ATRNL1: variants seen among roughly 807,000 people sequenced by gnomAD.
The protein encoded by ATRNL1 is attractin-like protein 1.
In ATRNL1, 95 loss-of-function variants were observed where a neutral mutation model predicts 182.7. The observed-to-expected ratio is 0.52, with a 90% CI of 0.44 to 0.62. The LOEUF is 0.62. ATRNL1 is among the 20% of genes least tolerant of loss of function. ATRNL1 has a pLI of 0.00. For missense variants in ATRNL1, 1,471 were observed against 1,679.5 expected (o/e 0.88, Z 2.17); for synonymous variants, 576 against 568.3 (o/e 1.01, Z -0.19).
intron 25 of ATRNL1, among the ~76,000 whole-genome samples, chr10:115,531,692 A>T (rs1405435931): frequency 6.6e-6 from 1 of 151,176 alleles, no homozygotes; most frequent in African/African-American, 2.4e-5. Context: ...TTTAGACATG[A>T]AGTCCTTGCC....
chr10:115,695,766 T>C (rs1401865475), intron 26 of ATRNL1, among the ~76,000 whole-genome samples: 1 of 152,164 alleles, frequency 6.6e-6, no homozygotes, highest in Non-Finnish European at 1.5e-5. Flanking sequence ...AATAGTAACA[T>C]CACAATAGTT....
At chr10:115,456,693 C>T (rs564621333) in intron 21 of ATRNL1, among the ~76,000 whole-genome samples, 36 of 152,180 alleles carry the variant, frequency 2.4e-4, no homozygotes, top group Non-Finnish European at 4.7e-4. Flanking sequence ...AATATATTCT[C>T]AACTTCGTTG....
At chr10:115,908,494 C>T (rs1952569857) in intron 28 of ATRNL1, among the ~76,000 whole-genome samples, 1 of 152,102 alleles carries the variant, frequency 6.6e-6, no homozygotes, top group Non-Finnish European at 1.5e-5. Flanking sequence ...CTCCCTCTTC[C>T]CCTTTGAAGA....
At chr10:115,449,649 C>T (rs891973136) in intron 21 of ATRNL1, among the ~76,000 whole-genome samples, 10 of 152,124 alleles carry the variant, frequency 6.6e-5, no homozygotes, top group East Asian at 3.9e-4. Flanking sequence ...TTGCTTCTGC[C>T]GGCACCCAGA....
At chr10:115,484,490 T>C (rs80301348) in intron 24 of ATRNL1, among the ~76,000 whole-genome samples, 457 of 151,812 alleles carry the variant, frequency 3.0e-3, no homozygotes, top group Non-Finnish European at 4.9e-3. Flanking sequence ...TTCATACTTT[T>C]ATTATATACA....
rs114111173 is a variant in ATRNL1 at position 115,559,625 on chromosome 10, A to T, written c.3795+10089A>T. Among the ~76,000 whole-genome samples the T allele has an allele frequency of 1.9e-3, 293 of 152,296 alleles. 1 individual carries two copies. The highest frequency in any genetic ancestry group is 3.1e-3 in the Admixed American group (48 of 15,304). On this transcript the variant is annotated intron_variant, in intron 26 of 28. Transcript: ENST00000355044. ...TCTTGATTTCTAAATACCATTCACC[A>T]ATAAAAGGAGCTTGGATGCAAATCA...
intron 26 of ATRNL1, among the ~76,000 whole-genome samples, chr10:115,708,169 G>A (rs1344311613): frequency 4.6e-5 from 7 of 151,564 alleles, no homozygotes. Context: ...AGGTGGAAGG[G>A]ATTACAGAAT....
At chr10:115,204,279 A>T (rs917979598) in intron 8 of ATRNL1, among the ~76,000 whole-genome samples, 1 of 151,596 alleles carries the variant, frequency 6.6e-6, no homozygotes, top group Admixed American at 6.6e-5. Flanking sequence ...GATGTCTTTC[A>T]TTTTTTTCTT....
intron 26 of ATRNL1, among the ~76,000 whole-genome samples, chr10:115,572,427 G>A (rs1555003763): frequency 2.0e-5 from 3 of 152,060 alleles, no homozygotes; most frequent in Middle Eastern, 3.4e-3. Flanking sequence ...TGGATGCAAC[G>A]GGTGGGGAAA....
chr10:115,591,503 C>T (rs1855903632), intron 26 of ATRNL1, among the ~76,000 whole-genome samples: 1 of 152,114 alleles, frequency 6.6e-6, no homozygotes, highest in Admixed American at 6.6e-5. Flanking sequence ...GGGAGATGTC[C>T]ATAAATTTTC....
chr10:115,390,453 T>C (rs1369674195), intron 19 of ATRNL1, among the ~76,000 whole-genome samples: 1 of 152,212 alleles, frequency 6.6e-6, no homozygotes, highest in Non-Finnish European at 1.5e-5. Flanking sequence ...TTCTCCATTG[T>C]GTGTTCTTGA....
chr10:115,885,379 G>A (rs1045073816), intron 28 of ATRNL1, among the ~76,000 whole-genome samples: 3 of 152,126 alleles, frequency 2.0e-5, no homozygotes, highest in Admixed American at 6.5e-5. Flanking sequence ...AGGGATGAGC[G>A]GCGCCAAGCA....
chr10:115,767,626 A>G lies in ATRNL1; in HGVS notation c.3903+40271A>G, dbSNP rs552208137. On this transcript the variant is annotated intron_variant, in intron 27 of 28. Coordinates refer to ENST00000355044, the MANE Select transcript of ATRNL1 (RefSeq NM_207303.4). Reference sequence around the variant, plus strand: ...CATTCTTGCACCTATGCTTTTGTTCATCATGTTTTTCTCCCTAGAATTTTC... The same window carrying G: ...CATTCTTGCACCTATGCTTTTGTTCGTCATGTTTTTCTCCCTAGAATTTTC... Among the ~76,000 whole-genome samples, 12 of 152,128 alleles carry G rather than the reference A, an allele frequency of 7.9e-5. No individual in the cohort carries two copies. In the South Asian group the frequency reaches 2.5e-3, roughly 32 times the overall value.
intron 5 of ATRNL1, among the ~76,000 whole-genome samples, chr10:115,135,094 A>T (rs1449800483): frequency 6.6e-6 from 1 of 152,054 alleles, no homozygotes; most frequent in Non-Finnish European, 1.5e-5. Context: ...GAATGGGCAA[A>T]AACTGGAAGC....
intron 27 of ATRNL1, among the ~76,000 whole-genome samples, chr10:115,795,872 G>C (rs148760670): frequency 1.4e-3 from 213 of 152,130 alleles, no homozygotes; most frequent in African/African-American, 4.8e-3. Context: ...ATTTGGGTGG[G>C]GACACAGAGC....
Position 115,655,229 on chromosome 10 carries a change from G to A in ATRNL1, c.3796-72019G>A, listed in dbSNP as rs1028959478. 3.3e-5 allele frequency among the ~76,000 whole-genome samples: 5 copies of A among 152,084 alleles called. No individual in the cohort carries two copies. The South Asian group carries it at 6.2e-4, about 19-fold the overall frequency. ...CAGTCATGATTTAACTATGGGTATC[G>A]TTGGTTAAGCCATTGATAACCGGAA... On this transcript the variant is annotated intron_variant, in intron 26 of 28. Coordinates refer to ENST00000355044, the MANE Select transcript of ATRNL1 (RefSeq NM_207303.4).
chr10:115,303,221 G>GTTTTTGT (rs781902037), intron 17 of ATRNL1, among the ~76,000 whole-genome samples: 1,131 of 107,048 alleles, frequency 0.011, 13 homozygotes, highest in African/African-American at 0.047. Context: ...TGGTATGCAG[G>GTTTTTGT]TTTTTTTTTT....
chr10:115,742,420 CCTTCGATGA>C (rs1160693073), intron 27 of ATRNL1, among the ~76,000 whole-genome samples: 1 of 151,998 alleles, frequency 6.6e-6, no homozygotes, highest in Non-Finnish European at 1.5e-5. Flanking sequence ...TAGGAGTTTA[CCTTCGATGA>C]TCTTATAATT....
At chr10:115,492,324 A>T (rs2134660928) in intron 24 of ATRNL1, among the ~76,000 whole-genome samples, 1 of 152,248 alleles carries the variant, frequency 6.6e-6, no homozygotes, top group South Asian at 2.1e-4. Flanking sequence ...GGAGGTGGGC[A>T]TTCGTCCTTG....
Sources: allele counts gnomAD v4.1 joint callset (sites outside exome capture counted in the v4.1 genomes callset), GRCh38; gene constraint gnomAD v4.1.1; transcripts MANE v1.5; gene names NCBI Gene and HGNC (gene_info 2026-07-23, HGNC 2026-07-21).